CTNS: variants seen among roughly 807,000 people sequenced by gnomAD.
CTNS encodes cystinosin, lysosomal cystine transporter.
CTNS carries 27 observed loss-of-function variants against 43.7 expected under a neutral mutation model. The ratio of observed to expected loss-of-function variants is 0.62; its 90% CI spans 0.46 to 0.85. The LOEUF (loss-of-function observed/expected upper bound fraction) is 0.85, where lower values mean the gene tolerates loss of function less well. Among genes scored for constraint, CTNS ranks in the 40% least tolerant of loss-of-function variants. The pLI is 0.00. For missense variants in CTNS, 457 were observed against 475.4 expected, an observed-to-expected ratio of 0.96 and a Z score of 0.36; for synonymous variants, 187 against 190.6, an observed-to-expected ratio of 0.98 and a Z score of 0.16.
intron 5 of CTNS, among the ~76,000 whole-genome samples, chr17:3,654,345 G>A (rs2076067088): frequency 6.6e-6 from 1 of 152,180 alleles, no homozygotes; most frequent in Non-Finnish European, 1.5e-5. Flanking sequence ...TAAGCCAGGG[G>A]AGGGCATGAG....
At chr17:3,655,454 TTCTG>T (rs1442850047) in intron 7 of CTNS, 102 bp downstream of exon 7, 2 of 1,532,662 alleles carry the variant, frequency 1.3e-6, no homozygotes, top group African/African-American at 1.4e-5. Context: ...CCCTCTACCC[TTCTG>T]TCTGCCTACC....
At position 3,641,294 on chromosome 17, in the gene CTNS, A is replaced by G. The variant is rs2075683941; in HGVS notation, c.61+1027A>G. On this transcript the variant is annotated intron_variant, in intron 3 of 11. Coordinates refer to ENST00000046640, the MANE Select transcript of CTNS (RefSeq NM_004937.3). Reference sequence around the variant, plus strand: ...CATAAAGAGCCATGTTTAGCACTTCAAAGGTGCCAGGCCCATTCATTTGAT... The same window carrying G: ...CATAAAGAGCCATGTTTAGCACTTCGAAGGTGCCAGGCCCATTCATTTGAT... Among the ~76,000 whole-genome samples the G allele has an allele frequency of 2.7e-5, 4 of 147,070 alleles. 1 individual carries two copies. In the South Asian group the frequency reaches 8.7e-4, roughly 32 times the overall value.
chr17:3,644,034 T>G (rs565168440), intron 3 of CTNS, among the ~76,000 whole-genome samples: 18 of 152,288 alleles, frequency 1.2e-4, no homozygotes, highest in African/African-American at 3.6e-4. Flanking sequence ...TTGTGACTCA[T>G]TTTGTAAATC....
At chr17:3,638,583 C>T (rs951209361) in intron 2 of CTNS, among the ~76,000 whole-genome samples, 3 of 152,156 alleles carry the variant, frequency 2.0e-5, no homozygotes, top group Non-Finnish European at 2.9e-5. Context: ...CTCTCAATGT[C>T]GTTTTGTCTC....
At position 3,655,307 on chromosome 17, in the gene CTNS, C is replaced by T. The variant is rs267606754; in HGVS notation, c.416C>T (p.Ser139Phe). ...GGCTGGATCTACTTTGTGGCCTGGT[C>T]CATCTCCTTCTACCCTCAGGTGATC... ...VIGWIYFVAW[S>F]ISFYPQVIMN... is the part of the protein sequence containing the mutation. The change falls in exon 7 of 12, where the codon TCC becomes TTC. Residue 139 changes from serine (S) to phenylalanine (F), a missense_variant. Physicochemically the swap from Ser to Phe is radical, Grantham distance 155. Transcript: ENST00000046640. The T allele has an allele frequency of 2.5e-6, 4 of 1,614,056 alleles. No individual in the cohort carries two copies. The highest frequency in any genetic ancestry group is 3.3e-5 in the Admixed American group (2 of 60,006).
At chr17:3,637,715 C>G (rs1334252541) in intron 2 of CTNS, among the ~76,000 whole-genome samples, 1 of 152,182 alleles carries the variant, frequency 6.6e-6, no homozygotes, top group East Asian at 1.9e-4. Context: ...GATGCGCTCA[C>G]CTCGGCCTCC....
Position 3,641,386 on chromosome 17 carries a change from T to TG in CTNS, c.61+1119_61+1120insG, listed in dbSNP as rs1567696209. Among the ~76,000 whole-genome samples the TG allele has an allele frequency of 2.9e-4, 12 of 41,630 alleles. No individual in the cohort carries two copies. In the South Asian group the frequency reaches 0.011, roughly 40 times the overall value. 27.3% of individuals were successfully genotyped at this position (41,630 alleles called of 152,430 possible). Reference sequence around the variant, plus strand: ...TATATATATATATATATATATATATTTTTTTTTTTTTTTTTTTTTTTTTGA... The same window carrying TG: ...TATATATATATATATATATATATATTGTTTTTTTTTTTTTTTTTTTTTTTGA... On this transcript the variant is annotated intron_variant, in intron 3 of 11. Transcript: ENST00000046640.
intron 3 of CTNS, among the ~76,000 whole-genome samples, chr17:3,642,083 G>GTGTGTGTA: frequency 1.2e-5 from 1 of 81,318 alleles, no homozygotes; most frequent in Non-Finnish European, 3.2e-5. Context: ...GTGTGTGTGT[G>GTGTGTGTA]CCTGGGCGTG....
rs771552404 is a variant in CTNS, at chr17:3,660,292, ATCGTCTTCGACG to A, written c.1036_1047del (p.Asp346_Phe349del). 2 of 1,614,246 alleles carry A rather than the reference ATCGTCTTCGACG, an allele frequency of 1.2e-6. No individual in the cohort carries two copies. Among genetic ancestry groups the A allele is most frequent in the East Asian group, 2.2e-5 (1 of 44,892 alleles). On this transcript the variant is annotated inframe_deletion, in exon 12 of 12. Transcript: ENST00000046640. ...CAAGTTTGGACTCGGGGTCTTCTCC[ATCGTCTTCGACG>A]TCGTCTTCTTCATCCAGCACTTCTG...
Position 3,660,433 on chromosome 17 carries a change from C to A in CTNS, c.*64C>A. ...CCCTGCTGGGGAAGGCCTCACCCAG[C>A]GAAGGCCGGAGAAGCGGTTGGGCCC... On this transcript the variant is annotated 3_prime_UTR_variant, in exon 12 of 12. Coordinates refer to ENST00000046640, the MANE Select transcript of CTNS (RefSeq NM_004937.3). 1 of 1,613,764 alleles carries A rather than the reference C, an allele frequency of 6.2e-7. No homozygotes were observed. The highest frequency in any genetic ancestry group is 8.5e-7 in the Non-Finnish European group (1 of 1,180,034).
At position 3,660,818 on chromosome 17, in the gene CTNS, A is replaced by T; in HGVS notation, c.*449A>T. On this transcript the variant is annotated 3_prime_UTR_variant, in exon 12 of 12. Transcript: ENST00000046640. ...AGCAGCCCGGTGCCGTGGCCAGTGA[A>T]CTCAGAGGTGCTGGTGGACGGGCTA... 1.9e-6 allele frequency: 3 copies of T among 1,592,412 alleles called. No homozygotes were observed. In the South Asian group the frequency reaches 3.4e-5, roughly 18 times the overall value.
At chr17:3,650,158 T>C in intron 5 of CTNS, 1 of 1,549,910 alleles carries the variant, frequency 6.5e-7, no homozygotes, top group East Asian at 2.4e-5. Context: ...TATTTGTCAA[T>C]GATACCTTAA....
At chr17:3,654,946 G>T (rs1256044993) in intron 5 of CTNS, 52 bp from the exon 6 acceptor site, 3 of 1,298,134 alleles carry the variant, frequency 2.3e-6, no homozygotes, top group Admixed American at 3.4e-5. Context: ...ATGCCAGCGG[G>T]GTCCTCGGTA....
chr17:3,647,656 A>T, intron 4 of CTNS, 134 bp downstream of exon 4: 1 of 820,734 alleles, frequency 1.2e-6, no homozygotes, highest in Admixed American at 2.0e-5. Flanking sequence ...AAGCCCTAGA[A>T]AAAGGGATGG....
intron 3 of CTNS, among the ~76,000 whole-genome samples, chr17:3,641,376 ATATATATATTTT>A (rs2075694758): frequency 2.6e-5 from 1 of 38,500 alleles, no homozygotes; most frequent in East Asian, 7.5e-4. Context: ...ATATATATAT[ATATATATATTTT>A]TTTTTTTTTT....
chr17:3,640,033 T>C, intron 2 of CTNS, 155 bp from the exon 3 acceptor site: 1 of 683,862 alleles, frequency 1.5e-6, no homozygotes, highest in Non-Finnish European at 2.7e-6. Context: ...CTCTCTAGGG[T>C]GTCCCTCTGA....
chr17:3,642,020 C>T (rs929162993), intron 3 of CTNS, among the ~76,000 whole-genome samples: 4 of 101,494 alleles, frequency 3.9e-5, no homozygotes, highest in Non-Finnish European at 7.1e-5. Context: ...GGAGTGTGCG[C>T]GCGCGTGTAT....
At chr17:3,650,317 A>T in intron 5 of CTNS, 5 of 1,548,962 alleles carry the variant, frequency 3.2e-6, no homozygotes, top group East Asian at 2.4e-5. Flanking sequence ...GGAACCTGTG[A>T]TCTGAAAAAT....
At chr17:3,643,166 T>G (rs2075761061) in intron 3 of CTNS, among the ~76,000 whole-genome samples, 1 of 151,692 alleles carries the variant, frequency 6.6e-6, no homozygotes, top group Non-Finnish European at 1.5e-5. Context: ...TACAAAAAAT[T>G]AGTCGGGCGT....
Sources: allele counts gnomAD v4.1 joint callset (sites outside exome capture counted in the v4.1 genomes callset), GRCh38; gene constraint gnomAD v4.1.1; transcripts MANE v1.5; gene names NCBI Gene and HGNC (gene_info 2026-07-23, HGNC 2026-07-21).